The following CCDC66 variants were observed in gnomAD, a reference collection of about 807,000 sequenced individuals.
The protein encoded by CCDC66 is coiled-coil domain-containing protein 66.
In CCDC66, 133 loss-of-function variants were observed where a neutral mutation model predicts 128.3. The observed-to-expected ratio is 1.04, with a 90% CI of 0.90 to 1.20. CCDC66 has a LOEUF of 1.20. Among genes scored for constraint, CCDC66 ranks in the 50% most tolerant of loss-of-function variants. CCDC66 has a pLI of 0.00. For missense variants in CCDC66, 1,126 were observed against 1,075.5 expected, an observed-to-expected ratio of 1.05 and a Z score of -0.66; for synonymous variants, 387 against 357.0, an observed-to-expected ratio of 1.08 and a Z score of -0.95.
intron 4 of CCDC66, among the ~76,000 whole-genome samples, chr3:56,565,419 G>A (rs532317044): frequency 4.7e-5 from 7 of 148,530 alleles, no homozygotes; most frequent in South Asian, 2.1e-4. Flanking sequence ...GACTACAGGC[G>A]CATGCCACCA....
intron 3 of CCDC66, chr3:56,561,464 T>A: frequency 6.1e-6 from 2 of 330,132 alleles, no homozygotes; most frequent in South Asian, 5.2e-5. Context: ...TAAAGGTGTT[T>A]TAGAATTTTT....
At position 56,558,843 on chromosome 3, in the gene CCDC66, C is replaced by T. The variant is rs1189260010; in HGVS notation, c.12-3C>T. On this transcript the variant is annotated splice_region_variant and splice_polypyrimidine_tract_variant and intron_variant, in intron 1 of 17. Coordinates refer to ENST00000394672, the MANE Select transcript of CCDC66 (RefSeq NM_001141947.3). ...GAGAGACAACTTTCTTTTTTTATTA[C>T]AGAGATGGTTTAAAGCTTGAAACTG... 1.9e-6 allele frequency: 3 copies of T among 1,544,198 alleles called. No homozygotes were observed. The East Asian group carries it at 7.4e-5, about 38-fold the overall frequency.
chr3:56,617,185 T>C lies in CCDC66; in HGVS notation c.1917T>C (p.Asn639=), dbSNP rs2075630373. The C allele has an allele frequency of 6.8e-6, 11 of 1,612,742 alleles. No individual in the cohort carries two copies. Among genetic ancestry groups the C allele is most frequent in the Non-Finnish European group, 9.3e-6 (11 of 1,179,552 alleles). ...CGSLMERDIT[N]CSSPEISAEL... is the part of the protein sequence containing the mutation. ...CATTAATGGAGAGGGACATCACAAA[T>C]TGTTCATCTCCTGAGATTTCGGCAG... The change falls in exon 14 of 18, where the codon AAT becomes AAC. Residue 639 remains asparagine (N), a synonymous_variant. Coordinates refer to ENST00000394672, the MANE Select transcript of CCDC66 (RefSeq NM_001141947.3).
At chr3:56,573,831 T>G (rs890340114) in intron 7 of CCDC66, among the ~76,000 whole-genome samples, 1 of 6,054 alleles carries the variant, frequency 1.7e-4, no homozygotes, top group Non-Finnish European at 8.9e-4. Context: ...TTTGGGGTCC[T>G]TGGCCAAGAG....
intron 8 of CCDC66, 42 bp downstream of exon 8, chr3:56,593,143 T>C (rs2071244595): frequency 6.9e-7 from 1 of 1,446,748 alleles, no homozygotes; most frequent in African/African-American, 1.4e-5. Context: ...AAAAATAAAA[T>C]CAAAGTCTTT....
At chr3:56,611,664 C>T (rs924245591) in intron 10 of CCDC66, among the ~76,000 whole-genome samples, 3 of 150,244 alleles carry the variant, frequency 2.0e-5, no homozygotes, top group African/African-American at 7.4e-5. Context: ...GGAGTTTTAA[C>T]CCCTGCTCCT....
intron 10 of CCDC66, 137 bp from the exon 11 acceptor site, chr3:56,613,452 G>A: frequency 1.2e-6 from 1 of 861,850 alleles, no homozygotes; most frequent in South Asian, 1.9e-5. Flanking sequence ...TCTACGTGAA[G>A]TATGATTGTC....
At chr3:56,616,879 G>T (rs2075586052) in intron 13 of CCDC66, 2 of 400,038 alleles carry the variant, frequency 5.0e-6, no homozygotes, top group Admixed American at 8.4e-5. Flanking sequence ...GACTGATGAT[G>T]TTGAGCATCT....
chr3:56,565,729 C>T (rs1468485575), intron 4 of CCDC66, among the ~76,000 whole-genome samples: 2 of 151,532 alleles, frequency 1.3e-5, no homozygotes, highest in African/African-American at 4.9e-5. Flanking sequence ...TGCAGTGGTG[C>T]GATCTCGGCT....
At chr3:56,583,653 A>G (rs1296037998) in intron 7 of CCDC66, among the ~76,000 whole-genome samples, 1 of 151,850 alleles carries the variant, frequency 6.6e-6, no homozygotes, top group African/African-American at 2.4e-5. Context: ...AGGCAGAAGA[A>G]TCTTTCTTAG....
chr3:56,586,546 A>G (rs1042900178), intron 7 of CCDC66, among the ~76,000 whole-genome samples: 4 of 151,484 alleles, frequency 2.6e-5, no homozygotes, highest in Non-Finnish European at 5.9e-5. Flanking sequence ...AAAAAAAGAA[A>G]AAAAGAAAAC....
At chr3:56,599,924 G>A (rs1267583601) in intron 10 of CCDC66, among the ~76,000 whole-genome samples, 6 of 152,012 alleles carry the variant, frequency 3.9e-5, no homozygotes, top group South Asian at 2.1e-4. Context: ...GAGTGAGAAC[G>A]TGCAGTGTTT....
intron 7 of CCDC66, among the ~76,000 whole-genome samples, chr3:56,590,870 T>G (rs1437846048): frequency 1.3e-5 from 2 of 152,188 alleles, no homozygotes; most frequent in African/African-American, 4.8e-5. Flanking sequence ...TCAGTTAGCC[T>G]GGGAAAAGAG....
intron 7 of CCDC66, among the ~76,000 whole-genome samples, chr3:56,586,529 CAAAAAAAAA>C (rs148996363): frequency 7.7e-6 from 1 of 130,624 alleles, no homozygotes; most frequent in Admixed American, 8.0e-5. Context: ...GACTCTTTCT[CAAAAAAAAA>C]AAAAGAAAAA....
chr3:56,568,190 G>A (rs1173415304), intron 6 of CCDC66, among the ~76,000 whole-genome samples: 3 of 152,188 alleles, frequency 2.0e-5, no homozygotes, highest in South Asian at 4.1e-4. Context: ...ACAAAAGACA[G>A]CTTTGCAAGG....
chr3:56,577,324 C>T (rs994972525), intron 7 of CCDC66, among the ~76,000 whole-genome samples: 2 of 151,608 alleles, frequency 1.3e-5, no homozygotes, highest in Admixed American at 6.6e-5. Flanking sequence ...GGATATTAGC[C>T]CTTTGTCAGA....
chr3:56,569,717 A>G (rs544818457), intron 6 of CCDC66: 8 of 152,218 alleles, frequency 5.3e-5, no homozygotes, highest in African/African-American at 1.9e-4. Flanking sequence ...TTATATCACA[A>G]TTTCATCTTT....
chr3:56,559,896 A>G (rs952218815), intron 3 of CCDC66, among the ~76,000 whole-genome samples: 6 of 152,232 alleles, frequency 3.9e-5, no homozygotes, highest in African/African-American at 1.4e-4. Context: ...ATGTATAGTT[A>G]TTGAACCCTT....
intron 15 of CCDC66, 138 bp downstream of exon 15, chr3:56,618,350 G>C (rs1241101021): frequency 1.3e-6 from 1 of 752,706 alleles, no homozygotes; most frequent in Non-Finnish European, 2.2e-6. Context: ...GTGAGGGTTA[G>C]AGGTTTAAGG....
Sources: gnomAD v4.1 joint callset for allele counts (sites outside exome capture counted in the v4.1 genomes callset) on GRCh38, gnomAD v4.1.1 for gene constraint, MANE v1.5 for transcripts, NCBI Gene and HGNC (gene_info 2026-07-23, HGNC 2026-07-21) for gene names.